Variants in JARID2 observed in about 807,000 individuals in gnomAD.
JARID2 encodes the protein protein Jumonji.
A neutral mutation model predicts 125.6 loss-of-function variants in JARID2; 21 were observed. The ratio of observed to expected loss-of-function variants is 0.17; its 90% confidence interval spans 0.12 to 0.24. The LOEUF (loss-of-function observed/expected upper bound fraction) is 0.24, where lower values mean the gene tolerates loss of function less well. JARID2 is among the 10% of genes least tolerant of loss of function. The probability of loss-of-function intolerance (pLI) is 1.00; values close to 1 mark genes in which losing one functional copy is unlikely to be tolerated. For missense variants in JARID2, 1,303 were observed against 1,639.6 expected (o/e 0.79, Z 3.55); for synonymous variants, 736 against 661.6 (o/e 1.11, Z -1.73).
chr6:15,451,876 C>T (rs1767935462), intron 3 of JARID2, 130 bp from the exon 4 acceptor site: 1 of 884,286 alleles, frequency 1.1e-6, no homozygotes, highest in African/African-American at 1.7e-5. Context: ...GATATAGAAC[C>T]TTAATTAGGA....
intron 1 of JARID2, among the ~76,000 whole-genome samples, chr6:15,332,331 C>A (rs975968168): frequency 6.6e-6 from 1 of 152,106 alleles, no homozygotes; most frequent in Non-Finnish European, 1.5e-5. Context: ...CCAGACAATT[C>A]TTTTAGTAAT....
chr6:15,468,860 G>C, intron 5 of JARID2, 142 bp downstream of exon 5: 1 of 739,392 alleles, frequency 1.4e-6, no homozygotes, highest in East Asian at 2.7e-5. Context: ...CATGGGCAAA[G>C]GGATTATTAG....
In JARID2 at chr6:15,509,376, G is replaced by A. The variant is rs1455403415; in HGVS notation, c.2846+922G>A. The A allele has an allele frequency of 4.1e-6, 4 of 985,120 alleles. No individual in the cohort carries two copies. In the African/African-American group the frequency reaches 5.2e-5, roughly 13 times the overall value. 61.0% of individuals were successfully genotyped at this position (985,120 alleles called of 1,614,324 possible). The stretch of plus-strand genomic sequence containing the variant: ...AAATAAACAAAGTCTTAGGACTCGT[G>A]TTCTCCCTCTTTGGAGCCAGCGTCG... On this transcript the variant is annotated intron_variant, in intron 12 of 17. Coordinates refer to ENST00000341776, the MANE Select transcript of JARID2 (RefSeq NM_004973.4).
intron 1 of JARID2, among the ~76,000 whole-genome samples, chr6:15,300,722 T>TGTGTGTGTGTGA (rs1246745065): frequency 1.5e-3 from 169 of 111,158 alleles, no homozygotes; most frequent in African/African-American, 3.5e-3. Context: ...TGTGTGTGTG[T>TGTGTGTGTGTGA]GAGAGAGAGA....
chr6:15,313,845 A>AG (rs1762094103), intron 1 of JARID2, among the ~76,000 whole-genome samples: 1 of 152,168 alleles, frequency 6.6e-6, no homozygotes. Flanking sequence ...CTCTTCTCCT[A>AG]GGGGCAGATG....
intron 1 of JARID2, among the ~76,000 whole-genome samples, chr6:15,291,111 T>C (rs1044740350): frequency 1.3e-5 from 2 of 152,122 alleles, no homozygotes; most frequent in African/African-American, 4.8e-5. Context: ...CGGTGCATGC[T>C]TGTAGTCTCA....
At chr6:15,486,806 C>CTTTTTTTTTTTTTTTTTTTTTTTTTTT (rs56268949) in intron 5 of JARID2, among the ~76,000 whole-genome samples, 17 of 100,520 alleles carry the variant, frequency 1.7e-4, no homozygotes, top group South Asian at 3.1e-4. Context: ...TGAGAATAGA[C>CTTTTTTTTTTTTTTTTTTTTTTTTTTT]TTTTTTTTTT....
chr6:15,413,097 G>T (rs530943582), intron 3 of JARID2, among the ~76,000 whole-genome samples: 1 of 130,102 alleles, frequency 7.7e-6, no homozygotes, highest in East Asian at 2.6e-4. Flanking sequence ...TCGGCTCACC[G>T]CAACCTCTGC....
intron 2 of JARID2, among the ~76,000 whole-genome samples, chr6:15,378,311 A>G (rs1764448815): frequency 1.3e-5 from 2 of 151,068 alleles, no homozygotes; most frequent in South Asian, 4.2e-4. Flanking sequence ...CTGGTGGTAG[A>G]GTTGTAAGAT....
At chr6:15,385,998 T>G (rs1764770518) in intron 2 of JARID2, among the ~76,000 whole-genome samples, 1 of 152,204 alleles carries the variant, frequency 6.6e-6, no homozygotes, top group Non-Finnish European at 1.5e-5. Flanking sequence ...GCATCCCTGT[T>G]TAGGTACAAG....
chr6:15,344,355 T>A, intron 1 of JARID2, among the ~76,000 whole-genome samples: 1 of 152,002 alleles, frequency 6.6e-6, no homozygotes, highest in East Asian at 1.9e-4. Context: ...CTTGCTTACC[T>A]TGGGATGTGG....
chr6:15,383,174 T>C (rs1764654305), intron 2 of JARID2, among the ~76,000 whole-genome samples: 1 of 152,040 alleles, frequency 6.6e-6, no homozygotes, highest in South Asian at 2.1e-4. Context: ...TAGAATTTTT[T>C]TTTTTTTCTT....
At chr6:15,513,101 C>A in intron 15 of JARID2, 56 bp downstream of exon 15, 1 of 1,608,962 alleles carries the variant, frequency 6.2e-7, no homozygotes, top group Non-Finnish European at 8.5e-7. Flanking sequence ...CCTTCGGGGG[C>A]TCACCCCCCG....
At chr6:15,395,067 T>TA (rs1174606312) in intron 2 of JARID2, among the ~76,000 whole-genome samples, 1 of 152,152 alleles carries the variant, frequency 6.6e-6, no homozygotes, top group African/African-American at 2.4e-5. Flanking sequence ...ACAAACTAAT[T>TA]ATTAGAAGCA....
chr6:15,246,463 A>AT lies in JARID2; in HGVS notation c.-70dup, dbSNP rs917085002. On this transcript the variant is annotated 5_prime_UTR_variant, in exon 1 of 18. Transcript: ENST00000341776. ...CAACAACAATAAAAACCACCAGGAT[A>AT]TTTTTTTGCAAATTTCTGACGGCTT... 2.0e-5 allele frequency: 26 copies of AT among 1,274,856 alleles called. No homozygotes were observed. Among genetic ancestry groups the AT allele is most frequent in the South Asian group, 3.7e-5 (3 of 82,162 alleles). 79.0% of individuals were successfully genotyped at this position (1,274,856 alleles called of 1,614,324 possible). A position where few individuals can be genotyped will look rare whatever the true frequency, so the allele number is the denominator to read the frequency against.
intron 17 of JARID2, 80 bp downstream of exon 17, chr6:15,517,348 C>G: frequency 1.0e-6 from 1 of 957,878 alleles, no homozygotes. Context: ...GCACTCCGGC[C>G]TGGCAGTTCT....
chr6:15,315,061 T>C (rs938047168), intron 1 of JARID2: 3 of 152,234 alleles, frequency 2.0e-5, no homozygotes, highest in African/African-American at 7.2e-5. Context: ...TTATGCAGTT[T>C]CTAAAATTGA....
chr6:15,278,785 C>T (rs771534659), intron 1 of JARID2, among the ~76,000 whole-genome samples: 3 of 151,420 alleles, frequency 2.0e-5, no homozygotes, highest in African/African-American at 7.3e-5. Context: ...ATTGTCCAGC[C>T]GGGCTGGGCA....
intron 1 of JARID2, among the ~76,000 whole-genome samples, chr6:15,360,509 G>A (rs979047185): frequency 2.0e-5 from 3 of 151,958 alleles, no homozygotes; most frequent in Admixed American, 6.6e-5. Flanking sequence ...ATGAGACAGG[G>A]TCACACTCAG....
Sources: gnomAD v4.1 joint callset for allele counts (sites outside exome capture counted in the v4.1 genomes callset) on GRCh38, gnomAD v4.1.1 for gene constraint, MANE v1.5 for transcripts, NCBI Gene and HGNC (gene_info 2026-07-23, HGNC 2026-07-21) for gene names.